Variants in SQOR observed in about 807,000 individuals in gnomAD.
SQOR encodes sulfide quinone oxidoreductase, also known as sulfide:quinone oxidoreductase, mitochondrial.
A neutral mutation model predicts 48.6 loss-of-function variants in SQOR; 39 were observed. The observed-to-expected ratio is 0.80, with a 90% CI of 0.62 to 1.05. The LOEUF (loss-of-function observed/expected upper bound fraction) is 1.05, where lower values mean the gene tolerates loss of function less well. Among genes scored for constraint, SQOR ranks in the 50% least tolerant of loss-of-function variants. The pLI, the probability that SQOR is intolerant of heterozygous loss-of-function variation, is 0.00. For missense variants in SQOR, 561 were observed against 559.9 expected, an observed-to-expected ratio of 1.00 and a Z score of -0.02; for synonymous variants, 220 against 206.2, an observed-to-expected ratio of 1.07 and a Z score of -0.57.
At chr15:45,677,574 T>A (rs1890058941) in intron 6 of SQOR, among the ~76,000 whole-genome samples, 1 of 152,244 alleles carries the variant, frequency 6.6e-6, no homozygotes, top group South Asian at 2.1e-4. Context: ...TTTCTTTGTC[T>A]TCTATGACGT....
chr15:45,676,643 A>G (rs1024937427), intron 6 of SQOR, among the ~76,000 whole-genome samples: 1 of 152,128 alleles, frequency 6.6e-6, no homozygotes, highest in South Asian at 2.1e-4. Context: ...TGTAGAGGTA[A>G]GGGAGGGCTT....
intron 1 of SQOR, among the ~76,000 whole-genome samples, chr15:45,649,665 T>A (rs1392119899): frequency 1.3e-5 from 2 of 151,984 alleles, no homozygotes; most frequent in African/African-American, 2.4e-5. Flanking sequence ...GTATTTTTGG[T>A]AGAGACAGGG....
intron 1 of SQOR, among the ~76,000 whole-genome samples, chr15:45,638,068 C>G (rs1436653610): frequency 6.6e-6 from 1 of 152,168 alleles, no homozygotes; most frequent in African/African-American, 2.4e-5. Flanking sequence ...AAAAGTAGAT[C>G]TAGCCAACCA....
chr15:45,663,737 G>A (rs566912087), intron 3 of SQOR, among the ~76,000 whole-genome samples: 48 of 151,934 alleles, frequency 3.2e-4, no homozygotes, highest in Non-Finnish European at 5.3e-4. Context: ...ACTGCACTCC[G>A]TCTTAGGTGA....
rs1163454686 is a variant in SQOR at position 45,689,196 on chromosome 15, T to C, written c.1274T>C (p.Leu425Pro). Residue 425 changes from leucine (L) to proline (P), a missense_variant, in exon 9 of 10, where the codon CTG becomes CCG. By Grantham distance (98) the Leu-to-Pro change is moderately conservative. Coordinates refer to ENST00000260324, the MANE Select transcript of SQOR (RefSeq NM_021199.4). The part of the protein sequence containing the change: ...YLMKADLMPF[L>P]YWNMMLRGYW... Reference sequence around the variant, plus strand: ...ATGAAAGCTGACCTGATGCCTTTCCTGTATTGGAATATGATGCTAAGGTAA... The same window carrying C: ...ATGAAAGCTGACCTGATGCCTTTCCCGTATTGGAATATGATGCTAAGGTAA... 6.2e-7 allele frequency: 1 copy of C among 1,613,916 alleles called. No individual in the cohort carries two copies. Among genetic ancestry groups the C allele is most frequent in the Non-Finnish European group, 8.5e-7 (1 of 1,179,988 alleles).
intron 5 of SQOR, among the ~76,000 whole-genome samples, chr15:45,674,653 T>C (rs1890004496): frequency 6.6e-6 from 1 of 152,024 alleles, no homozygotes; most frequent in African/African-American, 2.4e-5. Flanking sequence ...AAAAAAATGT[T>C]CTCATAGAAC....
chr15:45,653,143 A>C (rs774610566), intron 1 of SQOR, among the ~76,000 whole-genome samples: 1 of 152,126 alleles, frequency 6.6e-6, no homozygotes, highest in South Asian at 2.1e-4. Flanking sequence ...ATCAATACCA[A>C]CTAGGTGCCC....
intron 3 of SQOR, among the ~76,000 whole-genome samples, chr15:45,663,313 C>T (rs1421903747): frequency 3.3e-5 from 5 of 152,206 alleles, no homozygotes; most frequent in African/African-American, 4.8e-5. Flanking sequence ...CCATTGTGCC[C>T]GGCCTGCTGA....
chr15:45,657,880 G>A (rs539955076), intron 1 of SQOR, among the ~76,000 whole-genome samples: 2 of 152,280 alleles, frequency 1.3e-5, no homozygotes, highest in South Asian at 4.2e-4. Flanking sequence ...CCTAAGAACT[G>A]GACTTGACGG....
At chr15:45,670,620 A>G (rs1040873606) in intron 4 of SQOR, among the ~76,000 whole-genome samples, 7 of 152,224 alleles carry the variant, frequency 4.6e-5, no homozygotes, top group African/African-American at 1.2e-4. Flanking sequence ...GACTACAGAT[A>G]AATAGTTGGA....
At chr15:45,632,200 C>G (rs1350630234), upstream of SQOR, among the ~76,000 whole-genome samples, 22 of 105,416 alleles carry the variant, frequency 2.1e-4, no homozygotes, top group Non-Finnish European at 8.0e-5. Flanking sequence ...CCCCTCCCCT[C>G]CCTCCCTCCC....
At chr15:45,686,594 A>G (rs1890230153) in intron 7 of SQOR, among the ~76,000 whole-genome samples, 1 of 152,180 alleles carries the variant, frequency 6.6e-6, no homozygotes, top group South Asian at 2.1e-4. Context: ...CTGTTTTTGT[A>G]TGGTGGAAAT....
chr15:45,685,358 G>A (rs910659896), intron 7 of SQOR, among the ~76,000 whole-genome samples: 1 of 152,020 alleles, frequency 6.6e-6, no homozygotes, highest in Non-Finnish European at 1.5e-5. Context: ...CCAATCCTCT[G>A]TTCAGACCCT....
intron 5 of SQOR, among the ~76,000 whole-genome samples, chr15:45,675,028 G>A (rs913152058): frequency 6.6e-6 from 1 of 152,154 alleles, no homozygotes; most frequent in African/African-American, 2.4e-5. Flanking sequence ...ATTAAAGGCA[G>A]TTCCAGTAAT....
At chr15:45,657,821 C>T (rs1217046218) in intron 1 of SQOR, among the ~76,000 whole-genome samples, 2 of 152,160 alleles carry the variant, frequency 1.3e-5, no homozygotes, top group African/African-American at 4.8e-5. Flanking sequence ...TGTTAGTCCC[C>T]AGCTGGACAC....
intron 1 of SQOR, among the ~76,000 whole-genome samples, chr15:45,643,168 A>G (rs1895135742): frequency 6.6e-6 from 1 of 152,140 alleles, no homozygotes; most frequent in African/African-American, 2.4e-5. Context: ...CCTTACATAC[A>G]GTGGGCGCTC....
intron 6 of SQOR, 45 bp downstream of exon 6, chr15:45,676,355 A>G: frequency 6.3e-7 from 1 of 1,589,154 alleles, no homozygotes; most frequent in Non-Finnish European, 8.6e-7. Flanking sequence ...TTGTCTGCTG[A>G]AACGTGCCAT....
At chr15:45,689,417 CTTTTTTT>C in intron 9 of SQOR, 200 bp downstream of exon 9, 2 of 254,854 alleles carry the variant, frequency 7.8e-6, no homozygotes, top group Non-Finnish European at 1.5e-5. Flanking sequence ...TGCTACCTTA[CTTTTTTT>C]TTTTTTTTTT....
chr15:45,658,992 C>A lies in SQOR; in HGVS notation c.69C>A (p.Gly23=). ...TCTTTGCCTGCCTGCTCAGGCTGGG[C>A]ACTCAGCAGGTCGGCCCCCTTCAGC... ...AQLFACLLRL[G]TQQVGPLQLH... Residue 23 remains glycine (G), a synonymous_variant, in exon 2 of 10, where the codon GGC becomes GGA. Transcript: ENST00000260324. 1 of 1,602,214 alleles carries A rather than the reference C, an allele frequency of 6.2e-7. No homozygotes were observed. Among genetic ancestry groups the A allele is most frequent in the Non-Finnish European group, 8.5e-7 (1 of 1,174,390 alleles).
Sources: allele counts gnomAD v4.1 joint callset (sites outside exome capture counted in the v4.1 genomes callset), GRCh38; gene constraint gnomAD v4.1.1; transcripts MANE v1.5; gene names NCBI Gene and HGNC (gene_info 2026-07-23, HGNC 2026-07-21).